The following PRKG1 variants were observed in gnomAD, a reference collection of about 807,000 sequenced individuals.
PRKG1 encodes protein kinase cGMP-dependent 1.
A neutral mutation model predicts 88.1 loss-of-function variants in PRKG1; 35 were observed. The observed-to-expected ratio is 0.40, with a 90% CI of 0.30 to 0.53. PRKG1 has a LOEUF of 0.53. PRKG1 is among the 20% of genes least tolerant of loss of function. The probability of loss-of-function intolerance (pLI) is 0.59; values close to 1 mark genes in which losing one functional copy is unlikely to be tolerated. For synonymous variants in PRKG1, 303 were observed against 292.5 expected, an observed-to-expected ratio of 1.04 and a Z score of -0.37; for missense variants, 540 against 839.8, an observed-to-expected ratio of 0.64 and a Z score of 4.41.
At chr10:51,680,084 C>T (rs1293137736) in intron 3 of PRKG1, among the ~76,000 whole-genome samples, 2 of 152,186 alleles carry the variant, frequency 1.3e-5, no homozygotes, top group African/African-American at 4.8e-5. Context: ...ACACACGGGC[C>T]ACCACTTCAT....
intron 5 of PRKG1, among the ~76,000 whole-genome samples, chr10:52,036,390 G>C (rs184214984): frequency 0.024 from 3,619 of 150,824 alleles, 181 homozygotes; most frequent in African/African-American, 0.082. Context: ...GGCTCGTCCG[G>C]TTTTAGGACA....
intron 2 of PRKG1, among the ~76,000 whole-genome samples, chr10:51,271,081 A>ATCATCCAATAGCTTTAGGG: frequency 6.6e-6 from 1 of 152,172 alleles, no homozygotes; most frequent in Non-Finnish European, 1.5e-5. Flanking sequence ...TAGCTTTAGG[A>ATCATCCAATAGCTTTAGGG]TCATCCAAGA....
chr10:51,339,093 C>A (rs1451247141), intron 2 of PRKG1, among the ~76,000 whole-genome samples: 1 of 152,076 alleles, frequency 6.6e-6, no homozygotes, highest in African/African-American at 2.4e-5. Context: ...TTTGCCAAAG[C>A]TTAATTTTAA....
intron 5 of PRKG1, among the ~76,000 whole-genome samples, chr10:51,957,099 TTCTC>T (rs1226972611): frequency 1.8e-5 from 2 of 112,960 alleles, no homozygotes; most frequent in Admixed American, 9.1e-5. Flanking sequence ...TGTCTTTTCT[TTCTC>T]TCTCTCTTTC....
intron 2 of PRKG1, among the ~76,000 whole-genome samples, chr10:51,397,013 G>T (rs574878184): frequency 6.6e-6 from 1 of 151,922 alleles, no homozygotes; most frequent in African/African-American, 2.4e-5. Context: ...TGCCTCATTC[G>T]CCTAGTTTCA....
intron 5 of PRKG1, among the ~76,000 whole-genome samples, chr10:51,991,499 T>G (rs1317985379): frequency 2.0e-5 from 3 of 152,154 alleles, no homozygotes; most frequent in African/African-American, 7.2e-5. Context: ...TCATTTACAT[T>G]AGGTATATCT....
intron 7 of PRKG1, among the ~76,000 whole-genome samples, chr10:52,093,755 T>G (rs1242295273): frequency 6.6e-6 from 1 of 152,118 alleles, no homozygotes; most frequent in Non-Finnish European, 1.5e-5. Flanking sequence ...ACAGCAAAAA[T>G]TGAGCTTTTT....
At chr10:50,992,148 C>T (rs1842789630) in intron 1 of PRKG1, among the ~76,000 whole-genome samples, 1 of 151,980 alleles carries the variant, frequency 6.6e-6, no homozygotes, top group Non-Finnish European at 1.5e-5. Flanking sequence ...TTGGGCTCAA[C>T]TTAGGGACTG....
intron 3 of PRKG1, among the ~76,000 whole-genome samples, chr10:51,766,932 C>G (rs1177440415): frequency 6.6e-6 from 1 of 152,130 alleles, no homozygotes; most frequent in Non-Finnish European, 1.5e-5. Context: ...TGCCGGAAGC[C>G]TGCAACACAA....
chr10:51,782,048 T>G (rs1045636463), intron 3 of PRKG1, among the ~76,000 whole-genome samples: 2 of 152,010 alleles, frequency 1.3e-5, no homozygotes, highest in African/African-American at 4.8e-5. Context: ...TTGTAAAAAA[T>G]GCAATAGCAA....
intron 3 of PRKG1, chr10:51,698,480 G>A (rs1841368355): frequency 6.2e-7 from 1 of 1,613,986 alleles, no homozygotes. Flanking sequence ...CTGATGGGGT[G>A]GACCCAGATA....
chr10:51,483,960 CT>C (rs577324118), intron 3 of PRKG1, among the ~76,000 whole-genome samples: 2 of 151,886 alleles, frequency 1.3e-5, no homozygotes, highest in African/African-American at 2.4e-5. Flanking sequence ...ATTCATAAGG[CT>C]TTTTTTTCTG....
intron 3 of PRKG1, among the ~76,000 whole-genome samples, chr10:51,612,569 A>C (rs1838939313): frequency 1.3e-5 from 2 of 151,998 alleles, no homozygotes; most frequent in African/African-American, 2.4e-5. Context: ...GTCATTTGTA[A>C]AGAGGGACAA....
In PRKG1 at chr10:51,381,518, T is replaced by C. The variant is rs189876201; in HGVS notation, c.479-86205T>C. 5.5e-4 allele frequency among the ~76,000 whole-genome samples: 84 copies of C among 152,174 alleles called. 1 individual carries two copies. The highest frequency in any genetic ancestry group is 1.9e-3 in the African/African-American group (78 of 41,528). On this transcript the variant is annotated intron_variant, in intron 2 of 17. Transcript: ENST00000373980. ...AGTTTTACTAGATCCCAGTGCAGAA[T>C]TGAGTCACAGAACTTGGACATCTAG...
intron 3 of PRKG1, among the ~76,000 whole-genome samples, chr10:51,614,104 C>T (rs1042842353): frequency 1.3e-5 from 2 of 151,728 alleles, no homozygotes; most frequent in African/African-American, 4.8e-5. Context: ...AAATACCCAA[C>T]TATTACTGTA....
At chr10:51,681,236 C>T (rs1463513938) in intron 3 of PRKG1, among the ~76,000 whole-genome samples, 2 of 152,026 alleles carry the variant, frequency 1.3e-5, no homozygotes, top group Non-Finnish European at 2.9e-5. Context: ...AGGCTAAGTT[C>T]TCAATAGCTT....
intron 1 of PRKG1, among the ~76,000 whole-genome samples, chr10:51,147,919 A>G (rs760216100): frequency 1.3e-5 from 2 of 152,144 alleles, no homozygotes; most frequent in African/African-American, 2.4e-5. Context: ...TGCAGGATTA[A>G]ATTTTATCTT....
intron 9 of PRKG1, among the ~76,000 whole-genome samples, chr10:52,189,466 A>G (rs1373127508): frequency 1.3e-5 from 2 of 152,154 alleles, no homozygotes; most frequent in East Asian, 3.9e-4. Flanking sequence ...AGCGAGCATT[A>G]CTACCTGAGC....
chr10:51,274,340 C>A (rs547340444), intron 2 of PRKG1, among the ~76,000 whole-genome samples: 71 of 152,260 alleles, frequency 4.7e-4, no homozygotes, highest in African/African-American at 1.4e-3. Flanking sequence ...TTATAACTTT[C>A]ATGTCCACTG....
Sources: gnomAD v4.1 joint callset for allele counts (sites outside exome capture counted in the v4.1 genomes callset) on GRCh38, gnomAD v4.1.1 for gene constraint, MANE v1.5 for transcripts, NCBI Gene and HGNC (gene_info 2026-07-23, HGNC 2026-07-21) for gene names.